The following TMEM276 variants were observed in gnomAD, a reference collection of about 807,000 sequenced individuals.
TMEM276 encodes transmembrane protein 276.
At chr8:144,464,376 C>G in the TMEM276 span, 4 of 1,610,428 alleles carry the variant, frequency 2.5e-6, no homozygotes, top group Admixed American at 1.7e-5. Flanking sequence ...CAGAGCGGCC[C>G]TCAGGGCCGA....
the TMEM276 span, chr8:144,465,053 G>C: frequency 3.3e-6 from 5 of 1,532,908 alleles, no homozygotes; most frequent in South Asian, 6.0e-5. Context: ...GTTAGGAGAA[G>C]TTCAGTCCTA....
chr8:144,466,882 G>C, the TMEM276 span: 1 of 1,540,210 alleles, frequency 6.5e-7, no homozygotes, highest in Non-Finnish European at 8.7e-7. Flanking sequence ...GCGGTGCCGG[G>C]ACCTCCCAGG....
chr8:144,464,888 G>C, the TMEM276 span: 11 of 1,611,996 alleles, frequency 6.8e-6, no homozygotes, highest in Non-Finnish European at 9.3e-6. Context: ...CTCGGCCCCC[G>C]GCTTGGGGGC....
the TMEM276 span, chr8:144,466,389 G>C: frequency 9.7e-7 from 1 of 1,025,842 alleles, no homozygotes. Flanking sequence ...GGGGCGGCGC[G>C]AAGCGGGGCC....
the TMEM276 span, chr8:144,464,477 C>T: frequency 6.2e-7 from 1 of 1,612,342 alleles, no homozygotes. Context: ...AAATCGAAGG[C>T]CAGAAGGGGA....
the TMEM276 span, chr8:144,465,121 A>C: frequency 6.8e-7 from 1 of 1,467,718 alleles, no homozygotes; most frequent in Non-Finnish European, 9.0e-7. Context: ...AACCTAATTC[A>C]GCCGGGAAAC....
At chr8:144,466,251 A>C in the TMEM276 span, 2 of 190,054 alleles carry the variant, frequency 1.1e-5, no homozygotes, top group Non-Finnish European at 1.1e-5. Flanking sequence ...GGCCGCGGGC[A>C]CCTGTTTCTA....
chr8:144,465,135 G>A, the TMEM276 span: 9 of 1,452,376 alleles, frequency 6.2e-6, no homozygotes, highest in Admixed American at 2.3e-5. Context: ...GGGAAACGGG[G>A]GAAAACGACT....
chr8:144,464,830 G>A, the TMEM276 span: 56 of 1,612,816 alleles, frequency 3.5e-5, no homozygotes, highest in Non-Finnish European at 4.6e-5. Flanking sequence ...TCACGGCTGC[G>A]TGCAGAGACA....
the TMEM276 span, chr8:144,466,497 G>T: frequency 7.6e-7 from 1 of 1,309,164 alleles, no homozygotes; most frequent in South Asian, 2.0e-5. Flanking sequence ...CGGCGGCCGC[G>T]GAGCCCGGGG....
chr8:144,464,253 G>A, the TMEM276 span: 21 of 1,612,894 alleles, frequency 1.3e-5, no homozygotes, highest in Non-Finnish European at 1.5e-5. Context: ...GCCGGCTCAG[G>A]AGGCCTGCCA....
the TMEM276 span, chr8:144,466,608 G>T: frequency 1.0e-5 from 9 of 862,288 alleles, no homozygotes; most frequent in Non-Finnish European, 1.4e-5. Flanking sequence ...GGCACGGGGC[G>T]CGGGGCGACG....
the TMEM276 span, chr8:144,466,871 G>A: frequency 8.5e-6 from 13 of 1,536,354 alleles, no homozygotes; most frequent in African/African-American, 5.5e-5. Flanking sequence ...GCGGTGCGAG[G>A]GCGGTGCCGG....
chr8:144,465,035 T>C, the TMEM276 span: 2 of 1,534,924 alleles, frequency 1.3e-6, no homozygotes, highest in African/African-American at 2.7e-5. Context: ...AGGTCCCCAT[T>C]ACTGGATGTT....
At chr8:144,466,298 A>T in the TMEM276 span, 1 of 236,588 alleles carries the variant, frequency 4.2e-6, no homozygotes, top group Non-Finnish European at 7.7e-6. Flanking sequence ...CAGCCGTGGG[A>T]GCCGGGCCGT....
At chr8:144,464,248 C>T in the TMEM276 span, 2 of 1,613,012 alleles carry the variant, frequency 1.2e-6, no homozygotes, top group Non-Finnish European at 1.7e-6. Flanking sequence ...CTCCAGCCGG[C>T]TCAGGAGGCC....
chr8:144,464,873 C>T, the TMEM276 span: 17 of 1,612,644 alleles, frequency 1.1e-5, no homozygotes, highest in Non-Finnish European at 1.4e-5. Context: ...CAGGGCTGTG[C>T]TCCACTCGGC....
the TMEM276 span, chr8:144,466,917 A>G: frequency 5.1e-6 from 8 of 1,571,546 alleles, no homozygotes; most frequent in African/African-American, 1.1e-4. Flanking sequence ...TGGCTCAAGC[A>G]CGTGACCCGA....
At chr8:144,465,334 G>T in the TMEM276 span, 1 of 1,100,448 alleles carries the variant, frequency 9.1e-7, no homozygotes, top group African/African-American at 1.7e-5. Flanking sequence ...ACTCCGGGAG[G>T]CCAGCCGTGC....
Sources: gnomAD v4.1 joint callset for allele counts on GRCh38, gnomAD v4.1.1 for gene constraint, MANE v1.5 for transcripts, NCBI Gene and HGNC (gene_info 2026-07-23, HGNC 2026-07-21) for gene names.